The following CNOT6L variants were observed in gnomAD, a reference collection of about 807,000 sequenced individuals.
CNOT6L encodes CCR4-NOT transcription complex subunit 6 like.
CNOT6L carries 7 observed loss-of-function variants against 64.0 expected under a neutral mutation model. That is an observed-to-expected ratio of 0.11 (90% CI 0.06 to 0.21). The LOEUF is 0.21. Ranked by LOEUF, CNOT6L falls within the 10% of genes least tolerant of loss-of-function variation. The pLI is 1.00. For missense variants in CNOT6L, 245 were observed against 669.0 expected (o/e 0.37, Z 6.99); for synonymous variants, 193 against 243.4 (o/e 0.79, Z 1.93).
chr4:77,814,319 A>G (rs1733319888), intron 1 of CNOT6L, among the ~76,000 whole-genome samples: 1 of 152,302 alleles, frequency 6.6e-6, no homozygotes, highest in East Asian at 1.9e-4. Context: ...AATTGTTAAT[A>G]TACTAAAAAC....
At chr4:77,754,888 TAAAAAAAAAAA>T in intron 5 of CNOT6L, among the ~76,000 whole-genome samples, 2 of 36,956 alleles carry the variant, frequency 5.4e-5, no homozygotes, top group African/African-American at 1.1e-4. Flanking sequence ...ACATTAGAAG[TAAAAAAAAAAA>T]AAAAAAAAAA....
intron 1 of CNOT6L, among the ~76,000 whole-genome samples, chr4:77,784,638 C>T (rs368035841): frequency 1.2e-3 from 180 of 152,138 alleles, no homozygotes; most frequent in African/African-American, 4.2e-3. Context: ...TGCACGCCAC[C>T]ACCATCCAGC....
At chr4:77,761,416 C>A (rs1253866271) in intron 4 of CNOT6L, among the ~76,000 whole-genome samples, 1 of 152,086 alleles carries the variant, frequency 6.6e-6, no homozygotes, top group Non-Finnish European at 1.5e-5. Flanking sequence ...AAAATGTTTC[C>A]ATAAAGAAAA....
chr4:77,798,886 G>A lies in CNOT6L; in HGVS notation c.5+20418C>T, dbSNP rs577842988. Among the ~76,000 whole-genome samples the A allele has an allele frequency of 3.9e-5, 6 of 152,006 alleles. No individual in the cohort carries two copies. The East Asian group carries it at 1.2e-3, about 29-fold the overall frequency. Reference sequence around the variant, plus strand: ...GATCCCAGCTACTAAGGCAGCCGAGGTAGGATTGCTTGAGCCTGGGAGGTC... The same window carrying A: ...GATCCCAGCTACTAAGGCAGCCGAGATAGGATTGCTTGAGCCTGGGAGGTC... On this transcript the variant is annotated intron_variant, in intron 1 of 11. Transcript: ENST00000504123.
intron 10 of CNOT6L, among the ~76,000 whole-genome samples, chr4:77,727,668 T>C (rs1330069010): frequency 6.6e-6 from 1 of 151,324 alleles, no homozygotes; most frequent in East Asian, 1.9e-4. Flanking sequence ...CATGACAGTC[T>C]GGTACCAAAG....
At chr4:77,806,459 C>G (rs2110162127) in intron 1 of CNOT6L, among the ~76,000 whole-genome samples, 1 of 152,182 alleles carries the variant, frequency 6.6e-6, no homozygotes, top group Middle Eastern at 3.4e-3. Context: ...AAACTGCCAC[C>G]AACCTGTTCA....
chr4:77,801,365 C>T (rs1443133857), intron 1 of CNOT6L, among the ~76,000 whole-genome samples: 3 of 152,300 alleles, frequency 2.0e-5, no homozygotes, highest in African/African-American at 4.8e-5. Flanking sequence ...ACTCACAACG[C>T]CAGCTTCACA....
chr4:77,819,502 G>A (rs1734055940), upstream of CNOT6L: 11 of 1,167,898 alleles, frequency 9.4e-6, no homozygotes, highest in South Asian at 1.2e-4. Flanking sequence ...AAGCCGCGGC[G>A]GCACACAGGG....
At chr4:77,727,800 T>TGGTTAAAG (rs2109878506) in intron 10 of CNOT6L, among the ~76,000 whole-genome samples, 1 of 152,240 alleles carries the variant, frequency 6.6e-6, no homozygotes, top group South Asian at 2.1e-4. Context: ...AAGGAGCATG[T>TGGTTAAAG]GGTTAAAGTG....
chr4:77,800,268 A>C (rs142648086), intron 1 of CNOT6L, among the ~76,000 whole-genome samples: 1 of 152,078 alleles, frequency 6.6e-6, no homozygotes, highest in Admixed American at 6.5e-5. Context: ...TTCGGAGGCC[A>C]AGGTGGGAGG....
At chr4:77,808,333 G>A (rs776648867) in intron 1 of CNOT6L, among the ~76,000 whole-genome samples, 4 of 151,498 alleles carry the variant, frequency 2.6e-5, no homozygotes, top group Admixed American at 1.3e-4. Context: ...GTGGTGGTGT[G>A]CGCCTGTAAT....
intron 4 of CNOT6L, among the ~76,000 whole-genome samples, chr4:77,769,165 T>C (rs1727252869): frequency 6.6e-6 from 1 of 152,128 alleles, no homozygotes; most frequent in Non-Finnish European, 1.5e-5. Flanking sequence ...AACCAAGTCA[T>C]AAAAATTACA....
intron 8 of CNOT6L, 81 bp downstream of exon 8, chr4:77,742,060 G>C: frequency 1.5e-6 from 2 of 1,316,168 alleles, no homozygotes; most frequent in Non-Finnish European, 2.1e-6. Context: ...TGATTTTATA[G>C]GGCAAAACCA....
intron 8 of CNOT6L, 76 bp from the exon 9 acceptor site, chr4:77,731,614 T>C (rs952541348): frequency 3.7e-6 from 4 of 1,079,958 alleles, no homozygotes; most frequent in Admixed American, 5.5e-5. Flanking sequence ...AAACATGACA[T>C]GCATTGTCTC....
chr4:77,761,300 A>C (rs1295980527), intron 4 of CNOT6L, among the ~76,000 whole-genome samples: 2 of 152,194 alleles, frequency 1.3e-5, no homozygotes, highest in Middle Eastern at 3.2e-3. Context: ...AGAATCAACC[A>C]AATGACTGCA....
rs1220932478 is a variant in CNOT6L at position 77,718,926 on chromosome 4, T to TTTCA, written c.*1501_*1504dup. The TTTCA allele has an allele frequency of 1.3e-5, 2 of 152,718 alleles. No individual in the cohort carries two copies. The highest frequency in any genetic ancestry group is 1.3e-4 in the Admixed American group (2 of 15,280). 9.5% of individuals were successfully genotyped at this position (152,718 alleles called of 1,614,324 possible). Reference sequence around the variant, plus strand: ...AAATATAGGCTATTGTCTTTTAAAATTTCATTCACATAATGGAAAATTTCT... The same window carrying TTTCA: ...AAATATAGGCTATTGTCTTTTAAAATTTCATTCATTCACATAATGGAAAATTTCT... On this transcript the variant is annotated 3_prime_UTR_variant, in exon 12 of 12. Transcript: ENST00000504123.
At chr4:77,721,552 G>A (rs1037375710) in intron 11 of CNOT6L, among the ~76,000 whole-genome samples, 5 of 152,068 alleles carry the variant, frequency 3.3e-5, no homozygotes, top group Admixed American at 3.3e-4. Flanking sequence ...ACAATGAAAT[G>A]GGCTACTTAA....
chr4:77,782,280 A>G (rs1278655257), intron 1 of CNOT6L, among the ~76,000 whole-genome samples: 3 of 152,172 alleles, frequency 2.0e-5, no homozygotes, highest in South Asian at 4.1e-4. Flanking sequence ...AACAAAGCAA[A>G]TAACTCTTGC....
intron 3 of CNOT6L, among the ~76,000 whole-genome samples, chr4:77,774,053 T>C (rs1248711922): frequency 6.6e-6 from 1 of 152,208 alleles, no homozygotes; most frequent in Non-Finnish European, 1.5e-5. Flanking sequence ...TTAAGATTCC[T>C]GCAAAATTTT....
Sources: allele counts gnomAD v4.1 joint callset (sites outside exome capture counted in the v4.1 genomes callset), GRCh38; gene constraint gnomAD v4.1.1; transcripts MANE v1.5; gene names NCBI Gene and HGNC (gene_info 2026-07-23, HGNC 2026-07-21).